Variants in PPM1H observed in about 807,000 individuals in gnomAD.
PPM1H encodes protein phosphatase 1H.
Under a neutral mutation model 54.9 loss-of-function variants are expected in PPM1H, and 27 were observed. That is an observed-to-expected ratio of 0.49 (90% confidence interval 0.36 to 0.68). The LOEUF is 0.68. PPM1H is among the 30% of genes least tolerant of loss of function. The probability of loss-of-function intolerance (pLI) is 0.00; values close to 1 mark genes in which losing one functional copy is unlikely to be tolerated. For synonymous variants in PPM1H, 305 were observed against 270.8 expected (o/e 1.13, Z -1.24); for missense variants, 596 against 667.8 (o/e 0.89, Z 1.19).
intron 8 of PPM1H, among the ~76,000 whole-genome samples, chr12:62,668,996 T>C (rs922187319): frequency 4.6e-5 from 7 of 152,232 alleles, no homozygotes; most frequent in Non-Finnish European, 8.8e-5. Context: ...CGCCAGGCCT[T>C]TGTGGCCTGT....
chr12:62,863,164 G>A (rs1199949044), intron 1 of PPM1H, among the ~76,000 whole-genome samples: 1 of 151,916 alleles, frequency 6.6e-6, no homozygotes, highest in Non-Finnish European at 1.5e-5. Flanking sequence ...GGGACCGCAG[G>A]TGCGTGCCAC....
chr12:62,895,962 C>A (rs943121806), intron 1 of PPM1H, among the ~76,000 whole-genome samples: 6 of 152,110 alleles, frequency 3.9e-5, no homozygotes, highest in Admixed American at 6.5e-5. Context: ...GAGACCCACC[C>A]AGAACTACCA....
In PPM1H at chr12:62,647,036, C is replaced by A. The variant is rs2075789648; in HGVS notation, c.*1453G>T. The A allele has an allele frequency of 6.6e-6, 1 of 152,202 alleles. No homozygotes were observed. Among genetic ancestry groups the A allele is most frequent in the Non-Finnish European group, 1.5e-5 (1 of 68,046 alleles). 9.4% of individuals were successfully genotyped at this position (152,202 alleles called of 1,614,324 possible). On this transcript the variant is annotated 3_prime_UTR_variant, in exon 10 of 10. Transcript: ENST00000228705. ...CAAAATGGTGGCAATACCTCAGTAG[C>A]TCAGCAGGAAGAAGACTAGGTAATT...
At chr12:62,812,111 G>A (rs901947881) in intron 2 of PPM1H, among the ~76,000 whole-genome samples, 3 of 152,178 alleles carry the variant, frequency 2.0e-5, no homozygotes, top group South Asian at 4.2e-4. Context: ...TAATCTCCTC[G>A]GCTTCTGTTA....
At chr12:62,859,338 T>C (rs1869512072) in intron 1 of PPM1H, among the ~76,000 whole-genome samples, 1 of 152,212 alleles carries the variant, frequency 6.6e-6, no homozygotes, top group Admixed American at 6.5e-5. Context: ...GAATCAGTAA[T>C]TTGTTCATTT....
chr12:62,661,518 A>G (rs568033183), intron 9 of PPM1H, among the ~76,000 whole-genome samples: 6 of 152,238 alleles, frequency 3.9e-5, no homozygotes, highest in African/African-American at 1.4e-4. Flanking sequence ...CTCGTGCCTC[A>G]GCCTCCCGAA....
chr12:62,865,265 A>G (rs925104735), intron 1 of PPM1H, among the ~76,000 whole-genome samples: 15 of 152,176 alleles, frequency 9.9e-5, no homozygotes, highest in Admixed American at 2.6e-4. Context: ...TCAGCTCCCC[A>G]GAATAACTCT....
chr12:62,674,391 A>G (rs944796166), intron 8 of PPM1H, among the ~76,000 whole-genome samples: 4 of 152,228 alleles, frequency 2.6e-5, no homozygotes, highest in East Asian at 3.8e-4. Context: ...TGTCCCCTCT[A>G]TTTCATGTGT....
intron 8 of PPM1H, among the ~76,000 whole-genome samples, chr12:62,679,459 CT>C (rs1273456300): frequency 3.7e-4 from 56 of 152,270 alleles, no homozygotes; most frequent in Admixed American, 2.9e-3. Context: ...AATATGAATG[CT>C]TTAGCCTAAC....
chr12:62,710,516 A>C (rs1209412906), intron 6 of PPM1H, among the ~76,000 whole-genome samples: 1 of 146,070 alleles, frequency 6.8e-6, no homozygotes, highest in Non-Finnish European at 1.5e-5. Flanking sequence ...TGGGCAACAG[A>C]GTGGAGTGAG....
intron 4 of PPM1H, among the ~76,000 whole-genome samples, chr12:62,743,254 G>A (rs2076392405): frequency 6.6e-6 from 1 of 152,150 alleles, no homozygotes; most frequent in African/African-American, 2.4e-5. Context: ...TTGGGAGGCT[G>A]AGGCAGGAGA....
In PPM1H at chr12:62,732,575, G is replaced by GTT. The variant is rs752751007; in HGVS notation, c.954+4925_954+4926dup. Among the ~76,000 whole-genome samples the GTT allele has an allele frequency of 7.4e-3, 1,055 of 141,924 alleles. 19 individuals are homozygous for GTT. The highest frequency in any genetic ancestry group is 0.025 in the African/African-American group (984 of 38,946). The allele number at this position is 141,924 out of a possible 152,430, so 93.1% of individuals were successfully genotyped here. A position where few individuals can be genotyped will look rare whatever the true frequency, so the allele number is the denominator to read the frequency against. On this transcript the variant is annotated intron_variant, in intron 5 of 9. Transcript: ENST00000228705. ...ACCCAGAAGTTTTTTTTTGTTTTCG[G>GTT]TTTTTTTTTTTTTTGAGACAGAGTC...
At chr12:62,698,493 C>T (rs996890897) in intron 6 of PPM1H, among the ~76,000 whole-genome samples, 1 of 152,084 alleles carries the variant, frequency 6.6e-6, no homozygotes. Flanking sequence ...GGATCCTAAC[C>T]ACTCTAGTCC....
chr12:62,684,579 T>G (rs1427707020), intron 8 of PPM1H, among the ~76,000 whole-genome samples: 1 of 152,156 alleles, frequency 6.6e-6, no homozygotes, highest in Non-Finnish European at 1.5e-5. Flanking sequence ...CCAAGAAGAT[T>G]TTTGCGCACT....
rs61003358 is a variant in PPM1H at position 62,932,628 on chromosome 12, C to CTTTTTTTTTTTTTTTTTTTT, written c.245+1844_245+1863dup. ...CTGTCTCGTAAAGGGTCCAAATGGG[C>CTTTTTTTTTTTTTTTTTTTT]TTTTTTTTTTTTTTTTTTTTTTTGA... On this transcript the variant is annotated intron_variant, in intron 1 of 9. Transcript: ENST00000228705. Among the ~76,000 whole-genome samples the CTTTTTTTTTTTTTTTTTTTT allele has an allele frequency of 2.2e-3, 120 of 54,004 alleles. 36 individuals carry two copies. Among genetic ancestry groups the CTTTTTTTTTTTTTTTTTTTT allele is most frequent in the East Asian group, 5.7e-3 (10 of 1,756 alleles). 35.4% of individuals were successfully genotyped at this position (54,004 alleles called of 152,430 possible).
chr12:62,662,874 A>AT (rs1263910996), intron 9 of PPM1H, among the ~76,000 whole-genome samples: 2 of 152,080 alleles, frequency 1.3e-5, no homozygotes, highest in Non-Finnish European at 1.5e-5. Flanking sequence ...CAAAGTAACC[A>AT]TTATCTTGAA....
At chr12:62,804,676 C>CTTTTTTTTTTTTT (rs759291510) in intron 2 of PPM1H, among the ~76,000 whole-genome samples, 1 of 116,194 alleles carries the variant, frequency 8.6e-6, no homozygotes, top group Non-Finnish European at 1.8e-5. Context: ...CTTTTTTTTT[C>CTTTTTTTTTTTTT]TTTTTTTTTT....
At chr12:62,893,832 T>C (rs760964454) in intron 1 of PPM1H, among the ~76,000 whole-genome samples, 2 of 152,124 alleles carry the variant, frequency 1.3e-5, no homozygotes, top group African/African-American at 4.8e-5. Context: ...TCTCCAAATA[T>C]AGTCACATTC....
chr12:62,771,957 A>G (rs1352442339), intron 4 of PPM1H, among the ~76,000 whole-genome samples: 1 of 152,182 alleles, frequency 6.6e-6, no homozygotes, highest in Non-Finnish European at 1.5e-5. Flanking sequence ...AATCCTCACA[A>G]TGACTGAAAG....
Sources: gnomAD v4.1 joint callset for allele counts (sites outside exome capture counted in the v4.1 genomes callset) on GRCh38, gnomAD v4.1.1 for gene constraint, MANE v1.5 for transcripts, NCBI Gene and HGNC (gene_info 2026-07-23, HGNC 2026-07-21) for gene names.